NOTCH2: variants seen among roughly 807,000 people sequenced by gnomAD.
NOTCH2 encodes the protein neurogenic locus notch homolog protein 2.
NOTCH2 carries 29 observed loss-of-function variants against 235.8 expected under a neutral mutation model. The observed-to-expected ratio is 0.12, with a 90% CI of 0.09 to 0.17. The LOEUF (loss-of-function observed/expected upper bound fraction) is 0.17. Ranked by LOEUF, NOTCH2 falls within the 10% of genes least tolerant of loss-of-function variation. NOTCH2 has a pLI of 1.00. For synonymous variants in NOTCH2, 1,086 were observed against 1,141.5 expected, an observed-to-expected ratio of 0.95 and a Z score of 0.98; for missense variants, 2,285 against 3,150.2, an observed-to-expected ratio of 0.73 and a Z score of 6.57.
At chr1:119,961,635 T>G (rs1650942208) in intron 11 of NOTCH2, among the ~76,000 whole-genome samples, 2 of 152,260 alleles carry the variant, frequency 1.3e-5, no homozygotes, top group African/African-American at 4.8e-5. Flanking sequence ...TGTTGTTTAT[T>G]TTTTGTAAAT....
rs2101145023 is a variant in NOTCH2 at position 119,916,595 on chromosome 1, C to T, written c.6127G>A (p.Asp2043Asn). The change falls in exon 34 of 34, where the codon GAT becomes AAT. Residue 2043 changes from aspartate to asparagine, a missense_variant. Physicochemically the swap from Asp to Asn is conservative, Grantham distance 23 (BLOSUM62 1). Transcript: ENST00000256646. ...FANRDITDHM[D>N]RLPRDVARDR... ...CGAGCCACATCCCGGGGAAGACGAT[C>T]CATATGGTCTGTGATGTCTCGATTG... is the stretch of plus-strand genomic sequence containing the variant. 1 of 1,614,150 alleles carries T rather than the reference C, an allele frequency of 6.2e-7. No homozygotes were observed. The highest frequency in any genetic ancestry group is 1.7e-5 in the Admixed American group (1 of 60,018).
At chr1:119,935,451 T>C (rs1553195613) in intron 22 of NOTCH2, 21 bp downstream of exon 22, 29 of 1,614,068 alleles carry the variant, frequency 1.8e-5, no homozygotes, top group Non-Finnish European at 2.4e-5. Flanking sequence ...GGATGGAAAA[T>C]GGATAAGGAT....
rs782451942 is a variant in NOTCH2 at position 119,955,151 on chromosome 1, C to T, written c.2108G>A (p.Gly703Asp). 6.2e-7 allele frequency: 1 copy of T among 1,614,150 alleles called. No homozygotes were observed. The highest frequency in any genetic ancestry group is 2.2e-5 in the East Asian group (1 of 44,886). Reference sequence around the variant, plus strand: ...TCCCTCGGGGCATATACAGCGGAAACCATTCACACCGTTGATACATGTTGC... The same window carrying T: ...TCCCTCGGGGCATATACAGCGGAAATCATTCACACCGTTGATACATGTTGC... ...KGATCINGVN[G>D]FRCICPEGPH... The change falls in exon 13 of 34, where the codon GGT becomes GAT. Residue 703 changes from glycine (G) to aspartate (D), a missense_variant. Physicochemically the swap from Gly to Asp is moderately conservative, Grantham distance 94. Around this residue, in one of 6 missense-constraint regions of NOTCH2, gnomAD observed 1,173 missense variants for 1,515.3 expected, o/e 0.77. Coordinates refer to ENST00000256646, the MANE Select transcript of NOTCH2 (RefSeq NM_024408.4).
intron 4 of NOTCH2, among the ~76,000 whole-genome samples, chr1:119,987,703 GTCTT>G (rs1652073533): frequency 6.6e-6 from 1 of 152,046 alleles, no homozygotes; most frequent in Non-Finnish European, 1.5e-5. Context: ...TGCCTATCCT[GTCTT>G]TCTAATTATA....
chr1:120,003,444 T>C (rs200385549), intron 3 of NOTCH2, among the ~76,000 whole-genome samples: 59 of 151,852 alleles, frequency 3.9e-4, no homozygotes, highest in Middle Eastern at 6.8e-3. Context: ...TATATTCCAT[T>C]AGTTCCATCC....
At chr1:119,935,267 T>C in intron 22 of NOTCH2, 1 of 1,489,294 alleles carries the variant, frequency 6.7e-7, no homozygotes, top group South Asian at 1.3e-5. Flanking sequence ...AACAACCAGA[T>C]AAAACTGACA....
chr1:119,944,639 A>G (rs1650190427), intron 17 of NOTCH2, among the ~76,000 whole-genome samples: 1 of 152,042 alleles, frequency 6.6e-6, no homozygotes, highest in Admixed American at 6.5e-5. Flanking sequence ...CAGGAGAGAG[A>G]ATTATATATG....
intron 14 of NOTCH2, among the ~76,000 whole-genome samples, chr1:119,952,768 TC>T (rs1355847915): frequency 6.6e-6 from 1 of 152,246 alleles, no homozygotes; most frequent in Non-Finnish European, 1.5e-5. Flanking sequence ...GTTGAGGACC[TC>T]CGGTGTAGAC....
chr1:119,930,150 T>C (rs949511248), intron 22 of NOTCH2, among the ~76,000 whole-genome samples: 4 of 152,144 alleles, frequency 2.6e-5, no homozygotes, highest in Admixed American at 2.6e-4. Flanking sequence ...TCAGAACATA[T>C]CCCCACTGTT....
chr1:119,978,238 T>A (rs1651667817), intron 5 of NOTCH2, among the ~76,000 whole-genome samples: 1 of 152,048 alleles, frequency 6.6e-6, no homozygotes, highest in African/African-American at 2.4e-5. Flanking sequence ...ATGGTTCATT[T>A]GCGGCAATGA....
chr1:119,925,813 G>T lies in NOTCH2; in HGVS notation c.4006-3C>A. On this transcript the variant is annotated splice_polypyrimidine_tract_variant and splice_region_variant and intron_variant, in intron 24 of 33. Transcript: ENST00000256646. ...TGGCACCTTGCCCCGGAAAATCCCT[G>T]TGGAAATCAGTGAGGAAATAAAAAT... The T allele has an allele frequency of 6.2e-7, 1 of 1,613,972 alleles. No individual in the cohort carries two copies. The highest frequency in any genetic ancestry group is 8.5e-7 in the Non-Finnish European group (1 of 1,179,992).
At chr1:119,996,853 C>G (rs1553204248) in intron 4 of NOTCH2, 144 bp downstream of exon 4, 10 of 938,268 alleles carry the variant, frequency 1.1e-5, no homozygotes, top group Non-Finnish European at 1.7e-6. Flanking sequence ...CCATAAAACT[C>G]CTCCCTCACT....
chr1:119,969,710 C>T lies in NOTCH2; in HGVS notation c.909G>A (p.Leu303=), dbSNP rs781969024. The T allele has an allele frequency of 6.2e-7, 1 of 1,614,118 alleles. No individual in the cohort carries two copies. Among genetic ancestry groups the T allele is most frequent in the Admixed American group, 1.7e-5 (1 of 60,020 alleles). ...QFCTEDVDEC[L]LQPNACQNGG... The stretch of plus-strand genomic sequence containing the variant: ...CATTTTGACAGGCATTGGGCTGCAG[C>T]AGGCATTCATCCACATCCTCTGTGC... Residue 303 remains leucine (L), a synonymous_variant, in exon 6 of 34, where the codon CTG becomes CTA. Coordinates refer to ENST00000256646, the MANE Select transcript of NOTCH2 (RefSeq NM_024408.4).
chr1:119,996,647 C>G, intron 4 of NOTCH2: 1 of 842,432 alleles, frequency 1.2e-6, no homozygotes, highest in South Asian at 1.3e-5. Context: ...ATTAACCACA[C>G]ATACATATTT....
At chr1:119,974,203 TCACCTGTGTCAA>T (rs1651475503) in intron 5 of NOTCH2, among the ~76,000 whole-genome samples, 1 of 152,194 alleles carries the variant, frequency 6.6e-6, no homozygotes, top group Non-Finnish European at 1.5e-5. Context: ...GCATGTATCA[TCACCTGTGTCAA>T]CACACAAACT....
intron 3 of NOTCH2, among the ~76,000 whole-genome samples, chr1:119,998,918 CTA>C (rs1306322510): frequency 7.5e-6 from 1 of 133,968 alleles, no homozygotes; most frequent in African/African-American, 2.9e-5. Flanking sequence ...CAATTCCCAC[CTA>C]TGAGTGAGAA....
At chr1:119,962,056 T>C (rs1429160785) in intron 11 of NOTCH2, among the ~76,000 whole-genome samples, 1 of 152,202 alleles carries the variant, frequency 6.6e-6, no homozygotes, top group Non-Finnish European at 1.5e-5. Context: ...TGCAGGAACA[T>C]CTTTGGCAGG....
chr1:120,003,814 A>T (rs1652856342), intron 3 of NOTCH2, among the ~76,000 whole-genome samples: 1 of 151,338 alleles, frequency 6.6e-6, no homozygotes, highest in Non-Finnish European at 1.5e-5. Context: ...AACATTGGAC[A>T]ATCACCAGTT....
intron 18 of NOTCH2, 63 bp downstream of exon 18, chr1:119,941,463 A>G: frequency 8.3e-7 from 1 of 1,205,202 alleles, no homozygotes; most frequent in South Asian, 1.2e-5. Flanking sequence ...TGTGCTCTGA[A>G]ATTTCCTTCC....
Sources: allele counts gnomAD v4.1 joint callset (sites outside exome capture counted in the v4.1 genomes callset), GRCh38; gene constraint gnomAD v4.1.1; regional missense constraint gnomAD v4.1.1; transcripts MANE v1.5; gene names NCBI Gene and HGNC (gene_info 2026-07-23, HGNC 2026-07-21).